Variants in DLGAP2 observed in about 807,000 individuals in gnomAD.
DLGAP2 encodes the protein DLG associated protein 2, also known as disks large-associated protein 2.
DLGAP2 carries 26 observed loss-of-function variants against 100.3 expected under a neutral mutation model. That is an observed-to-expected ratio of 0.26 (90% confidence interval 0.19 to 0.36). The LOEUF (loss-of-function observed/expected upper bound fraction) is 0.36. Among genes scored for constraint, DLGAP2 ranks in the 10% least tolerant of loss-of-function variants. The probability of loss-of-function intolerance (pLI) is 1.00; values close to 1 mark genes in which losing one functional copy is unlikely to be tolerated. For synonymous variants in DLGAP2, 886 were observed against 630.1 expected (o/e 1.41, Z -6.08); for missense variants, 1,858 against 1,453.2 (o/e 1.28, Z -4.53).
intron 3 of DLGAP2, among the ~76,000 whole-genome samples, chr8:1,321,264 A>C (rs1800894318): frequency 6.8e-6 from 1 of 147,968 alleles, no homozygotes; most frequent in South Asian, 2.2e-4. Flanking sequence ...CATCTGTGCC[A>C]TGTGCGTGTG....
chr8:806,089 G>A (rs1163409120), intron 1 of DLGAP2, among the ~76,000 whole-genome samples: 2 of 152,226 alleles, frequency 1.3e-5, no homozygotes, highest in Non-Finnish European at 2.9e-5. Flanking sequence ...GGAAAATTGG[G>A]TGTCAGTTAT....
At chr8:1,361,330 C>T (rs1330992329) in intron 3 of DLGAP2, among the ~76,000 whole-genome samples, 2 of 152,202 alleles carry the variant, frequency 1.3e-5, no homozygotes, top group Admixed American at 6.5e-5. Flanking sequence ...GACTTTTATC[C>T]CTCCACAGTC....
intron 1 of DLGAP2, among the ~76,000 whole-genome samples, chr8:786,662 G>C (rs1363427501): frequency 6.6e-6 from 1 of 151,988 alleles, no homozygotes; most frequent in Non-Finnish European, 1.5e-5. Flanking sequence ...AGAGACCTCC[G>C]GGGAGGGGCC....
chr8:750,976 C>T (rs1014685779), intron 1 of DLGAP2, among the ~76,000 whole-genome samples: 2 of 152,248 alleles, frequency 1.3e-5, no homozygotes, highest in Non-Finnish European at 2.9e-5. Context: ...CGGTTGGAAG[C>T]TTCTTTTTCC....
At chr8:1,382,462 G>A (rs376695883) in intron 3 of DLGAP2, among the ~76,000 whole-genome samples, 6 of 152,232 alleles carry the variant, frequency 3.9e-5, no homozygotes, top group Admixed American at 2.6e-4. Context: ...TCGGTCAGGC[G>A]CAGTGGCTCA....
rs900425787 is a variant in DLGAP2 at position 1,675,849 on chromosome 8, G to A, written c.2203-684G>A. 2.0e-5 allele frequency among the ~76,000 whole-genome samples: 3 copies of A among 150,562 alleles called. No individual in the cohort carries two copies. The East Asian group carries it at 5.8e-4, about 29-fold the overall frequency. ...TTTTGTTTTTTTTTTTTTAGAGAAC[G>A]TACTGTACTAGAATTCCCTTGTGGG... is the stretch of plus-strand genomic sequence containing the variant. On this transcript the variant is annotated intron_variant, in intron 10 of 14. Transcript: ENST00000637795.
At chr8:1,301,996 T>A (rs1800355098) in intron 3 of DLGAP2, 1 of 149,176 alleles carries the variant, frequency 6.7e-6, no homozygotes, top group South Asian at 2.1e-4. Context: ...AAGTCAGGTG[T>A]CGTGATGAAT....
chr8:1,041,374 C>T (rs1157380671), intron 2 of DLGAP2, among the ~76,000 whole-genome samples: 1 of 152,166 alleles, frequency 6.6e-6, no homozygotes, highest in Admixed American at 6.5e-5. Context: ...CCGAGGCATC[C>T]GTGTCGACAT....
intron 1 of DLGAP2, among the ~76,000 whole-genome samples, chr8:748,301 C>T (rs946382921): frequency 2.1e-5 from 3 of 143,076 alleles, no homozygotes; most frequent in African/African-American, 5.2e-5. Flanking sequence ...GTGGTGGCTC[C>T]GTGGGGGACT....
intron 3 of DLGAP2, among the ~76,000 whole-genome samples, chr8:1,414,156 G>T (rs983340154): frequency 2.0e-5 from 3 of 152,206 alleles, no homozygotes; most frequent in Non-Finnish European, 4.4e-5. Flanking sequence ...GGGTTGGGGG[G>T]AGTTGTCTGT....
intron 6 of DLGAP2, among the ~76,000 whole-genome samples, chr8:1,595,594 G>T (rs945588670): frequency 4.7e-5 from 7 of 148,740 alleles, no homozygotes; most frequent in African/African-American, 2.5e-5. Context: ...GTGAACCCGG[G>T]AAGCGGAGCT....
chr8:1,253,187 G>T (rs57671390), intron 2 of DLGAP2, among the ~76,000 whole-genome samples: 1 of 152,148 alleles, frequency 6.6e-6, no homozygotes, highest in African/African-American at 2.4e-5. Context: ...CCCCAGCAAC[G>T]CTGAGCTTGG....
chr8:1,605,284 G>A (rs918724075), intron 6 of DLGAP2, among the ~76,000 whole-genome samples: 1 of 152,160 alleles, frequency 6.6e-6, no homozygotes, highest in Non-Finnish European at 1.5e-5. Flanking sequence ...CTACTCAGGG[G>A]AGTGGACCAA....
At chr8:821,048 A>G (rs1253496312) in intron 1 of DLGAP2, among the ~76,000 whole-genome samples, 1 of 152,192 alleles carries the variant, frequency 6.6e-6, no homozygotes, top group East Asian at 1.9e-4. Context: ...CTTACAGGAA[A>G]CCAACGGTTG....
At chr8:1,080,739 G>C (rs1226597037) in intron 2 of DLGAP2, among the ~76,000 whole-genome samples, 1 of 152,178 alleles carries the variant, frequency 6.6e-6, no homozygotes, top group Non-Finnish European at 1.5e-5. Context: ...GGCTGTCTCT[G>C]TTCCAGTTGT....
chr8:1,635,474 A>C (rs7839980), intron 8 of DLGAP2, among the ~76,000 whole-genome samples: 54,224 of 152,092 alleles, frequency 0.36, 12,772 homozygotes, highest in African/African-American at 0.68. Context: ...AATAGCTGTC[A>C]TTTACTGATC....
chr8:1,286,281 C>T (rs934843204), intron 3 of DLGAP2, among the ~76,000 whole-genome samples: 2 of 152,234 alleles, frequency 1.3e-5, no homozygotes, highest in African/African-American at 4.8e-5. Flanking sequence ...GCCTCCTCAG[C>T]CATGCAGCTC....
At chr8:1,497,826 G>C (rs557595283) in intron 3 of DLGAP2, among the ~76,000 whole-genome samples, 2 of 152,326 alleles carry the variant, frequency 1.3e-5, no homozygotes, top group South Asian at 4.1e-4. Context: ...ACCAACACTT[G>C]TAGGTAGATT....
intron 3 of DLGAP2, chr8:1,373,554 T>C (rs1334468646): frequency 6.6e-6 from 1 of 152,202 alleles, no homozygotes; most frequent in Non-Finnish European, 1.5e-5. Context: ...AGAATGGTTT[T>C]TGTCAACGTT....
Sources: allele counts gnomAD v4.1 joint callset (sites outside exome capture counted in the v4.1 genomes callset), GRCh38; gene constraint gnomAD v4.1.1; transcripts MANE v1.5; gene names NCBI Gene and HGNC (gene_info 2026-07-23, HGNC 2026-07-21).